FAM110B: variants seen among roughly 807,000 people sequenced by gnomAD.
FAM110B encodes family with sequence similarity 110 member B, also known as protein FAM110B.
In FAM110B, 6 loss-of-function variants were observed where a neutral mutation model predicts 20.4. The ratio of observed to expected loss-of-function variants is 0.29; its 90% CI spans 0.16 to 0.58. The LOEUF is 0.58. Among genes scored for constraint, FAM110B ranks in the 20% least tolerant of loss-of-function variants. The pLI, the probability that FAM110B is intolerant of heterozygous loss-of-function variation, is 0.90. For synonymous variants in FAM110B, 226 were observed against 214.1 expected, an observed-to-expected ratio of 1.06 and a Z score of -0.49; for missense variants, 434 against 498.2, an observed-to-expected ratio of 0.87 and a Z score of 1.23.
chr8:58,096,504 G>T (rs980972931), intron 3 of FAM110B, among the ~76,000 whole-genome samples: 2 of 152,144 alleles, frequency 1.3e-5, no homozygotes, highest in Non-Finnish European at 2.9e-5. Context: ...CAATTTGCCA[G>T]TCTGTGTCTT....
rs544723423 is a variant in FAM110B, at chr8:58,014,192, A to G, written c.-511-17414A>G. On this transcript the variant is annotated intron_variant, in intron 1 of 3. Transcript: ENST00000519262. ...CTGTCTAGTAAGAACACTTAGGATCATAGAGCTTCCTGGGCCTCCCTCTGC... is the reference window on the plus strand; with the variant it reads ...CTGTCTAGTAAGAACACTTAGGATCGTAGAGCTTCCTGGGCCTCCCTCTGC... Among the ~76,000 whole-genome samples the G allele has an allele frequency of 2.6e-5, 4 of 152,278 alleles. No individual in the cohort carries two copies. The East Asian group carries it at 5.8e-4, about 22-fold the overall frequency.
intron 3 of FAM110B, among the ~76,000 whole-genome samples, chr8:58,083,450 G>A (rs1489797533): frequency 1.3e-5 from 2 of 151,960 alleles, no homozygotes; most frequent in Non-Finnish European, 2.9e-5. Flanking sequence ...TTTAAAATAG[G>A]GTTTTGTTTC....
chr8:58,123,109 A>G (rs1807404778), intron 3 of FAM110B, among the ~76,000 whole-genome samples: 1 of 152,118 alleles, frequency 6.6e-6, no homozygotes. Flanking sequence ...GGCTCCCTTT[A>G]CCCTAGTCCT....
At chr8:58,123,687 TG>T (rs1807422119) in intron 3 of FAM110B, among the ~76,000 whole-genome samples, 2 of 152,228 alleles carry the variant, frequency 1.3e-5, no homozygotes, top group African/African-American at 4.8e-5. Context: ...GAACATGATA[TG>T]GTAAAGATTT....
At position 58,146,018 on chromosome 8, in the gene FAM110B, G is replaced by A. The variant is rs953635601; in HGVS notation, c.-213G>A. 3 of 527,524 alleles carry A rather than the reference G, an allele frequency of 5.7e-6. No homozygotes were observed. The highest frequency in any genetic ancestry group is 3.1e-5 in the East Asian group (1 of 32,128). The allele number at this position is 527,524 out of a possible 1,614,324, so 32.7% of individuals were successfully genotyped here. A position where few individuals can be genotyped will look rare whatever the true frequency, so the allele number is the denominator to read the frequency against. ...AACTTGTGGCTTGTGGCCTTTTTGT[G>A]CAAGGGCCGCCTGGAAGGGGAGAAA... On this transcript the variant is annotated 5_prime_UTR_variant, in exon 4 of 4. Coordinates refer to ENST00000519262, the MANE Select transcript of FAM110B (RefSeq NM_001377989.1).
At chr8:58,036,873 C>G (rs1805084095) in intron 2 of FAM110B, among the ~76,000 whole-genome samples, 2 of 152,144 alleles carry the variant, frequency 1.3e-5, no homozygotes, top group Admixed American at 6.5e-5. Context: ...CTCTTCAAAC[C>G]CTAAGAATTT....
At chr8:58,028,675 C>T (rs1021336490) in intron 1 of FAM110B, among the ~76,000 whole-genome samples, 4 of 152,068 alleles carry the variant, frequency 2.6e-5, no homozygotes, top group Non-Finnish European at 4.4e-5. Flanking sequence ...GTTGCTTTCA[C>T]GGTTTCTAGA....
chr8:58,060,075 TTGTCTTTTATTGATA>T (rs1303840601), intron 2 of FAM110B, among the ~76,000 whole-genome samples: 3 of 152,152 alleles, frequency 2.0e-5, no homozygotes, highest in African/African-American at 7.2e-5. Context: ...AGTCTGTTTC[TTGTCTTTTATTGATA>T]TGTTGGTTCT....
At chr8:58,115,454 C>T (rs1308432070) in intron 3 of FAM110B, among the ~76,000 whole-genome samples, 10 of 152,080 alleles carry the variant, frequency 6.6e-5, no homozygotes, top group Non-Finnish European at 1.5e-4. Context: ...AGTACAGTGG[C>T]ACAATCTCGG....
chr8:58,119,640 A>T (rs929236173), intron 3 of FAM110B, among the ~76,000 whole-genome samples: 2 of 152,200 alleles, frequency 1.3e-5, no homozygotes, highest in Non-Finnish European at 2.9e-5. Flanking sequence ...GGGTACTTAT[A>T]GTCTTGTTGC....
At chr8:58,105,298 C>A (rs1444611480) in intron 3 of FAM110B, among the ~76,000 whole-genome samples, 1 of 152,124 alleles carries the variant, frequency 6.6e-6, no homozygotes, top group Non-Finnish European at 1.5e-5. Context: ...AAACCTCAGG[C>A]TCCTCAGGAT....
rs767330523 is a variant in FAM110B, at chr8:58,146,903, C to A, written c.673C>A (p.Pro225Thr). ...CTGCAGTAGCTCTGCCCCTCCCCTGCCTCCCAAGCCCAAAATCGCAGCCAT... is the reference window on the plus strand; with the variant it reads ...CTGCAGTAGCTCTGCCCCTCCCCTGACTCCCAAGCCCAAAATCGCAGCCAT... Reference protein sequence around the residue: ...IPCSSSAPPLPPKPKIAAIAS... With the variant: ...IPCSSSAPPLTPKPKIAAIAS... The change falls in exon 4 of 4, where the codon CCT (proline) becomes ACT (threonine). Residue 225 changes from proline (P) to threonine (T), a missense_variant. By Grantham distance (38) the Pro-to-Thr change is conservative. This residue lies in a region of FAM110B where 284 missense variants were observed against 278.3 expected (regional missense o/e 1.02). Transcript: ENST00000519262. The A allele has an allele frequency of 2.7e-5, 43 of 1,614,112 alleles. 2 individuals carry two copies. The South Asian group carries it at 4.5e-4, about 17-fold the overall frequency.
intron 3 of FAM110B, among the ~76,000 whole-genome samples, chr8:58,080,348 T>A (rs1022250769): frequency 1.3e-5 from 2 of 152,026 alleles, no homozygotes; most frequent in African/African-American, 4.8e-5. Flanking sequence ...ACCATGAAAA[T>A]CTTCAATCAG....
At chr8:58,095,720 T>C (rs1174912827) in intron 3 of FAM110B, among the ~76,000 whole-genome samples, 1 of 152,112 alleles carries the variant, frequency 6.6e-6, no homozygotes, top group Admixed American at 6.5e-5. Context: ...ATTCTGTTGA[T>C]TTGGGGTGGA....
At chr8:58,004,355 CT>C (rs1804359574) in intron 1 of FAM110B, among the ~76,000 whole-genome samples, 1 of 152,246 alleles carries the variant, frequency 6.6e-6, no homozygotes. Context: ...CATCAATGAT[CT>C]TAGCTCCATA....
chr8:58,018,083 T>A (rs1336747112), intron 1 of FAM110B, among the ~76,000 whole-genome samples: 1 of 152,162 alleles, frequency 6.6e-6, no homozygotes, highest in Non-Finnish European at 1.5e-5. Flanking sequence ...TGAAAAAATG[T>A]GTAATTTAGT....
chr8:58,094,350 G>A (rs1369818340), intron 3 of FAM110B, among the ~76,000 whole-genome samples: 2 of 152,164 alleles, frequency 1.3e-5, no homozygotes, highest in Admixed American at 6.5e-5. Flanking sequence ...AATGCTTCCA[G>A]TTTTTGCCCA....
intron 2 of FAM110B, among the ~76,000 whole-genome samples, chr8:58,037,830 T>G (rs1376184415): frequency 4.6e-5 from 7 of 152,176 alleles, no homozygotes; most frequent in Admixed American, 4.6e-4. Context: ...CCGTTACTTT[T>G]CTCTCTTTCT....
chr8:58,013,803 G>T (rs1278722168), intron 1 of FAM110B, among the ~76,000 whole-genome samples: 1 of 152,206 alleles, frequency 6.6e-6, no homozygotes, highest in Non-Finnish European at 1.5e-5. Flanking sequence ...TGCCTGCTCT[G>T]TGGTAGACTC....
Sources: allele counts gnomAD v4.1 joint callset (sites outside exome capture counted in the v4.1 genomes callset), GRCh38; gene constraint gnomAD v4.1.1; regional missense constraint gnomAD v4.1.1; transcripts MANE v1.5; gene names NCBI Gene and HGNC (gene_info 2026-07-23, HGNC 2026-07-21).